Variants in TG observed in about 807,000 individuals in gnomAD.
TG encodes thyroglobulin, also known as thyroid hormones.
TG carries 270 observed loss-of-function variants against 324.7 expected under a neutral mutation model. The observed-to-expected ratio is 0.83, with a 90% CI of 0.75 to 0.92. The LOEUF (loss-of-function observed/expected upper bound fraction) is 0.92. TG is among the 40% of genes least tolerant of loss of function. TG has a pLI of 0.00. For missense variants in TG, 3,591 were observed against 3,456.4 expected (o/e 1.04, Z -0.98); for synonymous variants, 1,401 against 1,327.0 (o/e 1.06, Z -1.21).
At chr8:133,054,068 T>A (rs1840913133) in intron 41 of TG, among the ~76,000 whole-genome samples, 1 of 152,176 alleles carries the variant, frequency 6.6e-6, no homozygotes, top group African/African-American at 2.4e-5. Context: ...CCAGGATCCC[T>A]TCAAAGTCTT....
chr8:133,128,384 G>T, intron 45 of TG, among the ~76,000 whole-genome samples: 1 of 93,680 alleles, frequency 1.1e-5, no homozygotes, highest in Non-Finnish European at 2.4e-5. Context: ...CACACACACA[G>T]TCATCCGCAG....
chr8:132,979,451 A>G (rs1478136148), intron 34 of TG, among the ~76,000 whole-genome samples: 3 of 152,196 alleles, frequency 2.0e-5, no homozygotes, highest in Non-Finnish European at 4.4e-5. Context: ...AGCTCTTCTA[A>G]TTATGTGTCT....
At position 133,095,129 on chromosome 8, in the gene TG, G is replaced by A; in HGVS notation, c.7325G>A (p.Cys2442Tyr). ...QAIALAKEVSCPMSSSQEVVS... is the reference protein window; with the variant it reads ...QAIALAKEVSYPMSSSQEVVS... Reference sequence around the variant, plus strand: ...ATTGCTTTGGCAAAGGAGGTCAGTTGCCCCATGTCATCCAGCCAAGAAGTG... The same window carrying A: ...ATTGCTTTGGCAAAGGAGGTCAGTTACCCCATGTCATCCAGCCAAGAAGTG... Residue 2442 changes from cysteine (C) to tyrosine (Y), a missense_variant, in exon 42 of 48, where the codon TGC becomes TAC. Transcript: ENST00000220616. 6.2e-7 allele frequency: 1 copy of A among 1,614,234 alleles called. No individual in the cohort carries two copies. The highest frequency in any genetic ancestry group is 8.5e-7 in the Non-Finnish European group (1 of 1,180,034).
chr8:133,036,724 T>G (rs950098809), intron 41 of TG: 1 of 152,634 alleles, frequency 6.6e-6, no homozygotes, highest in Non-Finnish European at 1.5e-5. Flanking sequence ...AAACTCTCCC[T>G]GTGTGCCAAG....
chr8:132,892,319 G>A (rs1051491189), intron 10 of TG, among the ~76,000 whole-genome samples: 1 of 152,226 alleles, frequency 6.6e-6, no homozygotes, highest in Non-Finnish European at 1.5e-5. Flanking sequence ...GAGTGAGACT[G>A]TCTAGATTGA....
intron 27 of TG, among the ~76,000 whole-genome samples, chr8:132,958,771 T>C (rs1178233225): frequency 6.6e-6 from 1 of 151,902 alleles, no homozygotes; most frequent in East Asian, 1.9e-4. Context: ...TAAAACCCCA[T>C]AGCCTGAGCT....
At chr8:132,946,409 G>A (rs1260412097) in intron 26 of TG, among the ~76,000 whole-genome samples, 1 of 152,182 alleles carries the variant, frequency 6.6e-6, no homozygotes, top group Non-Finnish European at 1.5e-5. Flanking sequence ...AGTGCTGAAA[G>A]TCAAGCCTTC....
At chr8:132,939,840 C>A (rs1485002294) in intron 25 of TG, among the ~76,000 whole-genome samples, 3 of 151,992 alleles carry the variant, frequency 2.0e-5, no homozygotes, top group African/African-American at 7.2e-5. Flanking sequence ...TCACACCTGG[C>A]TAATTTTTGT....
intron 35 of TG, among the ~76,000 whole-genome samples, chr8:132,986,639 AT>A: frequency 6.6e-6 from 1 of 152,160 alleles, no homozygotes; most frequent in East Asian, 1.9e-4. Flanking sequence ...TGGTCATTTG[AT>A]TGTTTATTAT....
chr8:132,918,723 G>A (rs1810941067), intron 20 of TG, among the ~76,000 whole-genome samples: 1 of 152,146 alleles, frequency 6.6e-6, no homozygotes, highest in Admixed American at 6.5e-5. Flanking sequence ...CCTTAACCTT[G>A]AACCTCAGTT....
chr8:133,053,777 G>C lies in TG; in HGVS notation c.7239+23754G>C, dbSNP rs755433120. Among the ~76,000 whole-genome samples, 11 of 152,322 alleles carry C rather than the reference G, an allele frequency of 7.2e-5. No individual in the cohort carries two copies. In the South Asian group the frequency reaches 1.0e-3, roughly 14 times the overall value. ...TTCCAATGAGGGAAAGGGAGGCTTA[G>C]AGTGTTGGAGAGTTTCAATTTCACA... On this transcript the variant is annotated intron_variant, in intron 41 of 47. Transcript: ENST00000220616.
intron 27 of TG, among the ~76,000 whole-genome samples, chr8:132,951,867 A>G (rs2739075): frequency 0.8 from 121,088 of 152,108 alleles, 48,271 homozygotes; most frequent in Admixed American, 0.85. Context: ...TACAGCGTGA[A>G]GAACTGATAG....
At chr8:132,906,351 C>G (rs1025253729) in intron 16 of TG, among the ~76,000 whole-genome samples, 3 of 151,970 alleles carry the variant, frequency 2.0e-5, no homozygotes, top group Admixed American at 1.3e-4. Flanking sequence ...TAAGTTCAGG[C>G]CTGGATGGTG....
rs575819304 is a variant in TG, at chr8:132,901,451, C to T, written c.3532C>T (p.Pro1178Ser). 4 of 1,614,222 alleles carry T rather than the reference C, an allele frequency of 2.5e-6. No homozygotes were observed. In the South Asian group the frequency reaches 3.3e-5, roughly 13 times the overall value. ...CAGGGCAGAGGATGGGGGCTTTTCC[C>T]CAGTGCAATGTGACCAGGCCCAGGG... ...ACRAEDGGFS[P>S]VQCDQAQGSC... The change falls in exon 16 of 48, where the codon CCA (proline) becomes TCA (serine). Residue 1178 changes from proline to serine, a missense_variant. Physicochemically the swap from Pro to Ser is moderately conservative, Grantham distance 74 (BLOSUM62 -1). Coordinates refer to ENST00000220616, the MANE Select transcript of TG (RefSeq NM_003235.5).
At chr8:132,949,038 A>T in intron 27 of TG, 95 bp downstream of exon 27, 4 of 1,117,444 alleles carry the variant, frequency 3.6e-6, no homozygotes, top group Non-Finnish European at 5.3e-6. Flanking sequence ...TTGTGGCCTG[A>T]GGAGCTTATA....
chr8:132,968,147 C>T (rs893826019), intron 31 of TG, among the ~76,000 whole-genome samples, 177 bp downstream of exon 31: 32 of 152,126 alleles, frequency 2.1e-4, no homozygotes, highest in South Asian at 8.3e-4. Context: ...TAAACTACTA[C>T]GTAATTGTCT....
chr8:133,081,632 C>T (rs1400815017), intron 41 of TG, among the ~76,000 whole-genome samples: 1 of 152,194 alleles, frequency 6.6e-6, no homozygotes, highest in Non-Finnish European at 1.5e-5. Context: ...CTGTCTGCTG[C>T]GAAGAGCTGC....
intron 43 of TG, among the ~76,000 whole-genome samples, chr8:133,111,164 GGTCCCAGT>G (rs946228744): frequency 6.6e-6 from 1 of 152,176 alleles, no homozygotes; most frequent in African/African-American, 2.4e-5. Flanking sequence ...CATGGGCCGA[GGTCCCAGT>G]GTCCACAGCT....
intron 28 of TG, among the ~76,000 whole-genome samples, chr8:132,962,395 C>T (rs1385685994): frequency 6.6e-6 from 1 of 152,106 alleles, no homozygotes; most frequent in Non-Finnish European, 1.5e-5. Flanking sequence ...GGTAGGAGAT[C>T]CCAAGTCCAG....
Sources: gnomAD v4.1 joint callset for allele counts (sites outside exome capture counted in the v4.1 genomes callset) on GRCh38, gnomAD v4.1.1 for gene constraint, MANE v1.5 for transcripts, NCBI Gene and HGNC (gene_info 2026-07-23, HGNC 2026-07-21) for gene names.